The following AASS variants were observed in gnomAD, a reference collection of about 807,000 sequenced individuals.
AASS encodes the protein aminoadipate-semialdehyde synthase, also known as alpha-aminoadipic semialdehyde synthase, mitochondrial.
AASS carries 86 observed loss-of-function variants against 105.4 expected under a neutral mutation model. The observed-to-expected ratio is 0.82, with a 90% CI of 0.69 to 0.98. The LOEUF (loss-of-function observed/expected upper bound fraction) is 0.98, where lower values mean the gene tolerates loss of function less well. AASS is among the 50% of genes least tolerant of loss of function. AASS has a pLI of 0.00. For missense variants in AASS, 1,048 were observed against 1,143.2 expected, an observed-to-expected ratio of 0.92 and a Z score of 1.20; for synonymous variants, 381 against 394.8, an observed-to-expected ratio of 0.96 and a Z score of 0.41.
In AASS at chr7:122,113,136, G is replaced by T; in HGVS notation, c.1260C>A (p.Tyr420Ter). 6.2e-7 allele frequency: 1 copy of T among 1,613,872 alleles called. No homozygotes were observed. Among genetic ancestry groups the T allele is most frequent in the South Asian group, 1.1e-5 (1 of 91,086 alleles). ...TGCTTACCATTTCTTCAACATAAGG[G>T]TAAAGCATGTCTCCAAAGCATTCTG... ...EATECFGDML[Y>*]PYVEEMILSD... The change falls in exon 11 of 24, where the codon TAC becomes TAA. Residue 420 changes from tyrosine to a stop codon, truncating the protein, a stop_gained. Transcript: ENST00000417368. LOFTEE classifies it high-confidence loss of function.
In AASS at chr7:122,078,852, C is replaced by G. The variant is rs1466253341; in HGVS notation, c.2485+10G>C. 3 of 1,611,316 alleles carry G rather than the reference C, an allele frequency of 1.9e-6. No homozygotes were observed. The Admixed American group carries it at 5.0e-5, about 27-fold the overall frequency. On this transcript the variant is annotated intron_variant, in intron 22 of 23. Transcript: ENST00000417368. ...CTTTAGGTATATTTAGCTAATACTT[C>G]ATGGCCTACCATAGGAAAGCTTCAT...
At chr7:122,124,996 C>T (rs1447965657) in intron 4 of AASS, among the ~76,000 whole-genome samples, 2 of 152,058 alleles carry the variant, frequency 1.3e-5, no homozygotes. Flanking sequence ...GATCTCGGCT[C>T]ACTGCAAACT....
chr7:122,113,630 C>A lies in AASS; in HGVS notation c.1134G>T (p.Met378Ile). 12 of 1,613,634 alleles carry A rather than the reference C, an allele frequency of 7.4e-6. No homozygotes were observed. The highest frequency in any genetic ancestry group is 1.0e-5 in the Non-Finnish European group (12 of 1,179,900). ...ECTTIEHPFC[M>I]YDADQHIIHD... ...GAATAATATGCTGGTCTGCATCATACATGCAAAAGGGATGCTCTATTGTTG... is the reference window on the plus strand; with the variant it reads ...GAATAATATGCTGGTCTGCATCATAAATGCAAAAGGGATGCTCTATTGTTG... The change falls in exon 10 of 24, where the codon ATG (methionine) becomes ATT (isoleucine). Residue 378 changes from methionine (M) to isoleucine (I), a missense_variant. Met to Ile is a conservative substitution (Grantham distance 10). Transcript: ENST00000417368.
At chr7:122,080,211 T>A (rs1440616836) in intron 20 of AASS, among the ~76,000 whole-genome samples, 1 of 152,224 alleles carries the variant, frequency 6.6e-6, no homozygotes, top group Admixed American at 6.5e-5. Flanking sequence ...TTTTTTCTAC[T>A]TTCAAAACAA....
intron 3 of AASS, 87 bp from the exon 4 acceptor site, chr7:122,126,546 C>T: frequency 8.9e-7 from 1 of 1,121,824 alleles, no homozygotes; most frequent in Non-Finnish European, 1.4e-6. Flanking sequence ...AAATATTTCA[C>T]ATTTTTTCCT....
At chr7:122,119,728 G>C (rs1238045395) in intron 4 of AASS, among the ~76,000 whole-genome samples, 1 of 152,120 alleles carries the variant, frequency 6.6e-6, no homozygotes, top group Non-Finnish European at 1.5e-5. Context: ...AAGATACAGA[G>C]TATTTCACCA....
intron 3 of AASS, among the ~76,000 whole-genome samples, chr7:122,129,112 A>T (rs549501771): frequency 2.0e-5 from 3 of 152,224 alleles, no homozygotes; most frequent in Admixed American, 6.5e-5. Context: ...AAGGTAGTAG[A>T]TTATATGATC....
At chr7:122,118,655 A>C in intron 4 of AASS, 25 bp from the exon 5 acceptor site, 1 of 1,608,892 alleles carries the variant, frequency 6.2e-7, no homozygotes, top group Non-Finnish European at 8.5e-7. Flanking sequence ...GACCAATAGA[A>C]AGACTATTAG....
chr7:122,099,660 T>C (rs1300530503), intron 13 of AASS, among the ~76,000 whole-genome samples: 1 of 151,932 alleles, frequency 6.6e-6, no homozygotes, highest in Non-Finnish European at 1.5e-5. Flanking sequence ...GTTATCAACA[T>C]GAAACCATAG....
chr7:122,113,683 C>G lies in AASS; in HGVS notation c.1081G>C (p.Gly361Arg). 6.2e-7 allele frequency: 1 copy of G among 1,613,392 alleles called. No individual in the cohort carries two copies. The highest frequency in any genetic ancestry group is 1.1e-5 in the South Asian group (1 of 91,068). ...AICDISADTG[G>R]SIEFMTECTT... is the part of the protein sequence containing the mutation. ...CACTCAGTCATAAACTCTATAGACCCTCCTGTGTCAGCTGAAATGTCACAT... is the reference window on the plus strand; with the variant it reads ...CACTCAGTCATAAACTCTATAGACCGTCCTGTGTCAGCTGAAATGTCACAT... Residue 361 changes from glycine to arginine, a missense_variant, in exon 10 of 24, where the codon GGG (glycine) becomes CGG (arginine). Gly to Arg is a moderately radical substitution (Grantham distance 125, BLOSUM62 -2). Coordinates refer to ENST00000417368, the MANE Select transcript of AASS (RefSeq NM_005763.4).
intron 23 of AASS, 38 bp from the exon 24 acceptor site, chr7:122,076,645 TTG>T: frequency 6.9e-7 from 1 of 1,446,938 alleles, no homozygotes; most frequent in Non-Finnish European, 9.7e-7. Context: ...ATTTCAAAGG[TTG>T]TGTCAGAGGT....
intron 8 of AASS, among the ~76,000 whole-genome samples, chr7:122,116,350 A>C (rs1795171838): frequency 6.6e-6 from 1 of 152,196 alleles, no homozygotes; most frequent in Admixed American, 6.5e-5. Context: ...AGAAAACAGT[A>C]ACGCACAGGA....
intron 23 of AASS, among the ~76,000 whole-genome samples, chr7:122,077,503 TTA>T (rs778921760): frequency 2.0e-5 from 3 of 152,192 alleles, no homozygotes; most frequent in Non-Finnish European, 2.9e-5. Flanking sequence ...GCTTCATGTA[TTA>T]TATCAGTTAG....
chr7:122,101,143 A>G (rs2150523862), intron 13 of AASS, among the ~76,000 whole-genome samples: 1 of 149,466 alleles, frequency 6.7e-6, no homozygotes, highest in South Asian at 2.1e-4. Flanking sequence ...ATACGTCTAC[A>G]CAGGCTATTA....
Position 122,093,124 on chromosome 7 carries a change from T to C in AASS, c.1690A>G (p.Lys564Glu). The stretch of plus-strand genomic sequence containing the variant: ...TTAACTTTGTTTGTGATGCAGGCCT[T>C]GGCCACAAGAGGGTGCAATACATAA... ...LPYVLHPLVAKACITNKVNMV... is the reference protein window; with the variant it reads ...LPYVLHPLVAEACITNKVNMV... The change falls in exon 16 of 24, where the codon AAG becomes GAG. Residue 564 changes from lysine to glutamate, a missense_variant. By Grantham distance (56) the Lys-to-Glu change is moderately conservative (BLOSUM62 1). Coordinates refer to ENST00000417368, the MANE Select transcript of AASS (RefSeq NM_005763.4). The C allele has an allele frequency of 6.2e-7, 1 of 1,613,966 alleles. No homozygotes were observed. Among genetic ancestry groups the C allele is most frequent in the South Asian group, 1.1e-5 (1 of 91,086 alleles).
chr7:122,135,190 G>T (rs1306341222), intron 1 of AASS, among the ~76,000 whole-genome samples: 1 of 151,628 alleles, frequency 6.6e-6, no homozygotes, highest in Non-Finnish European at 1.5e-5. Flanking sequence ...GAGTTAACGG[G>T]TGCAGCACAC....
intron 21 of AASS, chr7:122,079,334 G>T (rs1013217253): frequency 6.6e-6 from 9 of 1,365,492 alleles, no homozygotes; most frequent in Non-Finnish European, 8.5e-6. Flanking sequence ...TCTCCTACAG[G>T]AAAGCAAAAA....
At chr7:122,143,549 C>A (rs1001256341) in intron 1 of AASS, among the ~76,000 whole-genome samples, 1 of 151,534 alleles carries the variant, frequency 6.6e-6, no homozygotes, top group Non-Finnish European at 1.5e-5. Context: ...CCCAGACTTG[C>A]AAGGCGCCCA....
Position 122,116,675 on chromosome 7 carries a change from A to T in AASS, c.852T>A (p.Tyr284Ter), listed in dbSNP as rs767663831. ...KTDAVYDPAEYDKHPERYISR... is the reference protein window; with the variant it reads ...KTDAVYDPAE ...TTATGTAGCGCTCCGGATGTTTGTC[A>T]TACTCTGCAGGATCATACACAGCAT... The change falls in exon 8 of 24, where the codon TAT becomes TAA. Residue 284 changes from tyrosine to a stop codon, truncating the protein, a stop_gained. Transcript: ENST00000417368. LOFTEE classifies it high-confidence loss of function. The T allele has an allele frequency of 6.2e-7, 1 of 1,614,150 alleles. No homozygotes were observed. The highest frequency in any genetic ancestry group is 8.5e-7 in the Non-Finnish European group (1 of 1,180,016).
Sources: allele counts gnomAD v4.1 joint callset (sites outside exome capture counted in the v4.1 genomes callset), GRCh38; gene constraint gnomAD v4.1.1; transcripts MANE v1.5; gene names NCBI Gene and HGNC (gene_info 2026-07-23, HGNC 2026-07-21).